The following KLHL14 variants were observed in gnomAD, a reference collection of about 807,000 sequenced individuals.
The protein encoded by KLHL14 is kelch-like protein 14.
KLHL14 carries 22 observed loss-of-function variants against 64.3 expected under a neutral mutation model. The observed-to-expected ratio is 0.34, with a 90% CI of 0.24 to 0.49. The LOEUF is 0.49. Ranked by LOEUF, KLHL14 falls within the 20% of genes least tolerant of loss-of-function variation. The pLI is 0.99. For missense variants in KLHL14, 661 were observed against 789.0 expected, an observed-to-expected ratio of 0.84 and a Z score of 1.94; for synonymous variants, 322 against 333.4, an observed-to-expected ratio of 0.97 and a Z score of 0.37.
In KLHL14 at chr18:32,770,190, C is replaced by T. The variant is rs751124416; in HGVS notation, c.402G>A (p.Gly134=). The T allele has an allele frequency of 6.2e-7, 1 of 1,613,184 alleles. No homozygotes were observed. The highest frequency in any genetic ancestry group is 2.2e-5 in the East Asian group (1 of 44,822). The change falls in exon 2 of 9, where the codon GGG becomes GGA. Residue 134 remains glycine, a synonymous_variant. Transcript: ENST00000359358. The surrounding 1 kb of genome is among the most constrained non-coding windows in gnomAD (Gnocchi z 6.7). The stretch of plus-strand genomic sequence containing the variant: ...AGAGGTACTCGAGCACCAGGCGCAG[C>T]CCGATGGACGAGCAGCCCTGCAGCA... ...NLVLQGCSSI[G]LRLVLEYLYT...
At position 32,769,772 on chromosome 18, in the gene KLHL14, G is replaced by C. The variant is rs752039381; in HGVS notation, c.820C>G (p.Leu274Val). Residue 274 changes from leucine to valine, a missense_variant, in exon 2 of 9, where the codon CTG (leucine) becomes GTG (valine). Physicochemically the swap from Leu to Val is conservative, Grantham distance 32. Transcript: ENST00000359358. ...LRFALIPAPE[L>V]VERVQSVDFM... Reference sequence around the variant, plus strand: ...TCCACTGACTGGACCCGCTCCACCAGCTCCGGGGCCGGGATGAGGGCGAAG... The same window carrying C: ...TCCACTGACTGGACCCGCTCCACCACCTCCGGGGCCGGGATGAGGGCGAAG... 50 of 1,609,424 alleles carry C rather than the reference G, an allele frequency of 3.1e-5. No homozygotes were observed. Among genetic ancestry groups the C allele is most frequent in the Non-Finnish European group, 4.2e-5 (50 of 1,177,054 alleles).
At chr18:32,744,864 G>C (rs1161731314) in intron 2 of KLHL14, 4 of 152,196 alleles carry the variant, frequency 2.6e-5, no homozygotes, top group Admixed American at 2.0e-4. Flanking sequence ...TGTCCTCTAA[G>C]AAGTGGACTG....
Position 32,769,656 on chromosome 18 carries a change from G to A in KLHL14, c.936C>T (p.Ser312=). The A allele has an allele frequency of 6.9e-7, 1 of 1,452,392 alleles. No homozygotes were observed. The highest frequency in any genetic ancestry group is 9.2e-7 in the Non-Finnish European group (1 of 1,092,212). The allele number at this position is 1,452,392 out of a possible 1,614,324, so 90.0% of individuals were successfully genotyped here. A position where few individuals can be genotyped will look rare whatever the true frequency, so the allele number is the denominator to read the frequency against. The change falls in exon 2 of 9, where the codon AGC becomes AGT. Residue 312 remains serine (S), a synonymous_variant. Coordinates refer to ENST00000359358, the MANE Select transcript of KLHL14 (RefSeq NM_020805.3). ...TTGTTGTCTCCTACCTGCTGGCCAGGCTCTGCCTGCAGTGCTGCCTGAAGG... is the reference window on the plus strand; with the variant it reads ...TTGTTGTCTCCTACCTGCTGGCCAGACTCTGCCTGCAGTGCTGCCTGAAGG... ...LMPFRQHCRQ[S]LASRIRSNKK...
At chr18:32,755,555 C>A (rs1286477901) in intron 2 of KLHL14, among the ~76,000 whole-genome samples, 1 of 152,052 alleles carries the variant, frequency 6.6e-6, no homozygotes, top group South Asian at 2.1e-4. Flanking sequence ...AAATTTTTCC[C>A]CATTTTTTAA....
intron 8 of KLHL14, 131 bp downstream of exon 8, chr18:32,677,042 G>C (rs1165587998): frequency 1.0e-6 from 1 of 999,640 alleles, no homozygotes; most frequent in Non-Finnish European, 1.5e-6. Flanking sequence ...ACTATCTAAA[G>C]CAACTGACTG....
At chr18:32,731,975 C>T (rs889270747) in intron 3 of KLHL14, among the ~76,000 whole-genome samples, 4 of 152,116 alleles carry the variant, frequency 2.6e-5, no homozygotes, top group African/African-American at 9.7e-5. Flanking sequence ...AATCCCAGCA[C>T]TTTGGGAGGC....
chr18:32,741,866 T>A, intron 3 of KLHL14, 62 bp downstream of exon 3: 1 of 1,447,838 alleles, frequency 6.9e-7, no homozygotes. Context: ...TTCAAATTCA[T>A]CAAGACAGCG....
At chr18:32,681,250 G>C (rs1298751809) in intron 5 of KLHL14, among the ~76,000 whole-genome samples, 1 of 151,984 alleles carries the variant, frequency 6.6e-6, no homozygotes, top group Non-Finnish European at 1.5e-5. Context: ...AGAGGCTTTT[G>C]ACTATATTAT....
chr18:32,695,325 C>A (rs113033493), intron 4 of KLHL14, 138 bp downstream of exon 4: 3 of 651,000 alleles, frequency 4.6e-6, no homozygotes. Context: ...AATTGTCAGC[C>A]CCATCTCCTT....
chr18:32,709,128 C>T (rs1467129195), intron 3 of KLHL14, among the ~76,000 whole-genome samples: 2 of 152,196 alleles, frequency 1.3e-5, no homozygotes, highest in African/African-American at 4.8e-5. Context: ...GAATGGTCTG[C>T]AAAGATCACA....
intron 2 of KLHL14, among the ~76,000 whole-genome samples, chr18:32,755,343 A>G (rs2050276340): frequency 6.6e-6 from 1 of 152,164 alleles, no homozygotes; most frequent in African/African-American, 2.4e-5. Context: ...TGAAAAGTTT[A>G]CCATATTCTC....
intron 4 of KLHL14, among the ~76,000 whole-genome samples, chr18:32,693,329 T>C (rs78848374): frequency 0.013 from 1,898 of 145,678 alleles, 47 homozygotes; most frequent in African/African-American, 0.047. Context: ...AGGGACACAA[T>C]GACTCAGCCT....
intron 2 of KLHL14, among the ~76,000 whole-genome samples, chr18:32,745,865 G>T (rs192926688): frequency 1.3e-5 from 2 of 152,292 alleles, no homozygotes; most frequent in South Asian, 2.1e-4. Context: ...CACAAACAAA[G>T]ATACCTGTGA....
At chr18:32,694,088 G>C (rs558019226) in intron 4 of KLHL14, among the ~76,000 whole-genome samples, 3 of 152,172 alleles carry the variant, frequency 2.0e-5, no homozygotes, top group African/African-American at 7.2e-5. Context: ...TGTTTTGTGA[G>C]AATGAATTGT....
At chr18:32,753,872 TC>T (rs2050268936) in intron 2 of KLHL14, among the ~76,000 whole-genome samples, 1 of 152,208 alleles carries the variant, frequency 6.6e-6, no homozygotes, top group African/African-American at 2.4e-5. Flanking sequence ...TTCTAATACC[TC>T]CTACTTAGCA....
At chr18:32,765,273 T>C (rs1598581598) in intron 2 of KLHL14, among the ~76,000 whole-genome samples, 1 of 152,268 alleles carries the variant, frequency 6.6e-6, no homozygotes, top group East Asian at 1.9e-4. Flanking sequence ...TTAAGAAAAT[T>C]GGGATGCTTA....
intron 2 of KLHL14, among the ~76,000 whole-genome samples, chr18:32,750,791 T>G (rs183351159): frequency 3.5e-3 from 533 of 152,286 alleles, no homozygotes; most frequent in Admixed American, 8.4e-3. Context: ...GCTGGGTTGG[T>G]TCTCCCTTGT....
At chr18:32,713,012 G>C (rs556974767) in intron 3 of KLHL14, among the ~76,000 whole-genome samples, 1 of 152,094 alleles carries the variant, frequency 6.6e-6, no homozygotes, top group South Asian at 2.1e-4. Context: ...CATGCTCCAA[G>C]AGCTTGCTTT....
At chr18:32,691,072 TA>T (rs1250986370) in intron 4 of KLHL14, among the ~76,000 whole-genome samples, 3 of 152,186 alleles carry the variant, frequency 2.0e-5, no homozygotes, top group African/African-American at 7.2e-5. Context: ...TCATCATTCT[TA>T]CGTCAAGTTC....
Sources: gnomAD v4.1 joint callset for allele counts (sites outside exome capture counted in the v4.1 genomes callset) on GRCh38, gnomAD v4.1.1 for gene constraint, Gnocchi (gnomAD v3.1) non-coding constraint, MANE v1.5 for transcripts, NCBI Gene and HGNC (gene_info 2026-07-23, HGNC 2026-07-21) for gene names.